The following ARHGAP44 variants were observed in gnomAD, a reference collection of about 807,000 sequenced individuals.
ARHGAP44 encodes Rho GTPase activating protein 44.
ARHGAP44 carries 43 observed loss-of-function variants against 106.8 expected under a neutral mutation model. The ratio of observed to expected loss-of-function variants is 0.40; its 90% CI spans 0.32 to 0.52. The LOEUF (loss-of-function observed/expected upper bound fraction) is 0.52. Ranked by LOEUF, ARHGAP44 falls within the 20% of genes least tolerant of loss-of-function variation. The probability of loss-of-function intolerance (pLI) is 0.48; values close to 1 mark genes in which losing one functional copy is unlikely to be tolerated. For synonymous variants in ARHGAP44, 439 were observed against 410.3 expected, an observed-to-expected ratio of 1.07 and a Z score of -0.85; for missense variants, 866 against 1,050.5, an observed-to-expected ratio of 0.82 and a Z score of 2.43.
intron 1 of ARHGAP44, among the ~76,000 whole-genome samples, chr17:12,856,378 T>A (rs2150858196): frequency 6.6e-6 from 1 of 152,336 alleles, no homozygotes; most frequent in Middle Eastern, 3.4e-3. Context: ...ATCTCAAGTC[T>A]GTTGAGCATG....
At chr17:12,852,215 G>C (rs1181878183) in intron 1 of ARHGAP44, among the ~76,000 whole-genome samples, 1 of 134,408 alleles carries the variant, frequency 7.4e-6, no homozygotes, top group Non-Finnish European at 1.6e-5. Context: ...GGGTGGTTTT[G>C]TGTGGGATAG....
intron 1 of ARHGAP44, among the ~76,000 whole-genome samples, chr17:12,845,018 T>C (rs978327161): frequency 6.6e-6 from 1 of 152,186 alleles, no homozygotes; most frequent in African/African-American, 2.4e-5. Flanking sequence ...AGTCTGACTC[T>C]GTCATCAGTA....
intron 1 of ARHGAP44, among the ~76,000 whole-genome samples, chr17:12,873,976 C>T (rs934335350): frequency 2.5e-4 from 38 of 151,740 alleles, no homozygotes; most frequent in African/African-American, 8.9e-4. Context: ...GGAAAGAAAC[C>T]ACCACTTAGA....
intron 14 of ARHGAP44, 65 bp from the exon 15 acceptor site, chr17:12,956,590 C>T: frequency 1.4e-6 from 2 of 1,419,988 alleles, no homozygotes; most frequent in East Asian, 2.3e-5. Context: ...GCCAGAGGAC[C>T]ATGGGCCTCA....
rs146396110 is a variant in ARHGAP44 at position 12,861,503 on chromosome 17, G to A, written c.54-33437G>A. ...CCTGACTTCTCAGGTTTCTCTGGAG[G>A]CAGCCCACTTTGTTTGCCTTGTGGC... On this transcript the variant is annotated intron_variant, in intron 1 of 20. Transcript: ENST00000379672. Among the ~76,000 whole-genome samples the A allele has an allele frequency of 9.9e-5, 15 of 152,074 alleles. No individual in the cohort carries two copies. The East Asian group carries it at 2.7e-3, about 28-fold the overall frequency.
intron 6 of ARHGAP44, among the ~76,000 whole-genome samples, chr17:12,926,518 A>T (rs1276799137): frequency 1.4e-5 from 2 of 145,350 alleles, no homozygotes; most frequent in East Asian, 3.9e-4. Flanking sequence ...TTATATATGC[A>T]TATATATTAT....
intron 1 of ARHGAP44, among the ~76,000 whole-genome samples, chr17:12,860,143 G>A (rs1381270283): frequency 6.6e-6 from 1 of 152,036 alleles, no homozygotes; most frequent in Non-Finnish European, 1.5e-5. Flanking sequence ...ATCCTGGGAG[G>A]GGCAGTTTCT....
At chr17:12,814,873 A>C (rs568109997) in intron 1 of ARHGAP44, among the ~76,000 whole-genome samples, 35 of 152,204 alleles carry the variant, frequency 2.3e-4, no homozygotes, top group Middle Eastern at 3.4e-3. Flanking sequence ...AAAAAGCAAA[A>C]ACCCTCCTTT....
chr17:12,837,139 G>T (rs1394936766), intron 1 of ARHGAP44, among the ~76,000 whole-genome samples: 1 of 152,044 alleles, frequency 6.6e-6, no homozygotes, highest in Non-Finnish European at 1.5e-5. Context: ...AAACACTAAA[G>T]GTTAAGTAAT....
At chr17:12,808,862 C>A (rs1193128067) in intron 1 of ARHGAP44, among the ~76,000 whole-genome samples, 1 of 152,194 alleles carries the variant, frequency 6.6e-6, no homozygotes, top group Non-Finnish European at 1.5e-5. Context: ...ATTTTCTGAA[C>A]TTTTATGCTC....
intron 6 of ARHGAP44, among the ~76,000 whole-genome samples, chr17:12,927,779 T>C (rs2038290793): frequency 1.3e-5 from 2 of 152,210 alleles, no homozygotes; most frequent in Admixed American, 1.3e-4. Flanking sequence ...TTCCCAAGAC[T>C]AAAGCCAGCC....
At chr17:12,962,812 G>A (rs1236067049) in intron 16 of ARHGAP44, among the ~76,000 whole-genome samples, 8 of 152,228 alleles carry the variant, frequency 5.3e-5, no homozygotes, top group South Asian at 2.1e-4. Flanking sequence ...TTGGGTGGCC[G>A]AGTTGGGTGG....
chr17:12,807,173 C>A (rs1018975469), intron 1 of ARHGAP44, among the ~76,000 whole-genome samples: 13 of 152,194 alleles, frequency 8.5e-5, no homozygotes, highest in Non-Finnish European at 1.8e-4. Context: ...TGCATTAATA[C>A]ACATAAAGTG....
chr17:12,891,952 C>T (rs766237867), intron 1 of ARHGAP44, among the ~76,000 whole-genome samples: 6 of 144,382 alleles, frequency 4.2e-5, no homozygotes, highest in African/African-American at 7.8e-5. Context: ...CGCACCACCA[C>T]GCCCGGCTAA....
chr17:12,944,255 GC>G, intron 10 of ARHGAP44, 59 bp downstream of exon 10: 1 of 1,527,838 alleles, frequency 6.5e-7, no homozygotes, highest in South Asian at 1.3e-5. Flanking sequence ...ACGAGACAGA[GC>G]TTACAGGATC....
chr17:12,800,385 C>G (rs1308853642), intron 1 of ARHGAP44, among the ~76,000 whole-genome samples: 1 of 152,178 alleles, frequency 6.6e-6, no homozygotes, highest in South Asian at 2.1e-4. Context: ...CTAGGTTAAG[C>G]AGCTGTAACA....
chr17:12,904,194 C>T (rs2037477821), intron 3 of ARHGAP44, among the ~76,000 whole-genome samples: 1 of 152,116 alleles, frequency 6.6e-6, no homozygotes, highest in Non-Finnish European at 1.5e-5. Context: ...GCAACCTCTG[C>T]CTCCCAGGTT....
At chr17:12,956,834 GC>G in intron 15 of ARHGAP44, 88 bp downstream of exon 15, 2 of 1,106,818 alleles carry the variant, frequency 1.8e-6, no homozygotes, top group Non-Finnish European at 2.7e-6. Context: ...AAGTACCACT[GC>G]CCACAGGCTT....
intron 4 of ARHGAP44, 68 bp downstream of exon 4, chr17:12,909,041 A>G: frequency 7.6e-7 from 1 of 1,321,374 alleles, no homozygotes; most frequent in African/African-American, 1.5e-5. Context: ...AAAGGGGACT[A>G]GACCCTCTCA....
Sources: allele counts gnomAD v4.1 joint callset (sites outside exome capture counted in the v4.1 genomes callset), GRCh38; gene constraint gnomAD v4.1.1; transcripts MANE v1.5; gene names NCBI Gene and HGNC (gene_info 2026-07-23, HGNC 2026-07-21).